FOXN3: variants seen among roughly 807,000 people sequenced by gnomAD.
The protein encoded by FOXN3 is forkhead box N3, also known as forkhead box protein N3.
In FOXN3, 7 loss-of-function variants were observed where a neutral mutation model predicts 38.4. The observed-to-expected ratio is 0.18, with a 90% CI of 0.10 to 0.34. The LOEUF (loss-of-function observed/expected upper bound fraction) is 0.34. FOXN3 is among the 10% of genes least tolerant of loss of function. The probability of loss-of-function intolerance (pLI) is 1.00; values close to 1 mark genes in which losing one functional copy is unlikely to be tolerated. For missense variants in FOXN3, 456 were observed against 613.4 expected, an observed-to-expected ratio of 0.74 and a Z score of 2.71; for synonymous variants, 230 against 242.2, an observed-to-expected ratio of 0.95 and a Z score of 0.47.
chr14:89,260,427 C>G (rs545926837), intron 4 of FOXN3, among the ~76,000 whole-genome samples: 1 of 152,338 alleles, frequency 6.6e-6, no homozygotes, highest in African/African-American at 2.4e-5. Context: ...GTGCTCCCGG[C>G]AATCAGCAAG....
intron 2 of FOXN3, among the ~76,000 whole-genome samples, chr14:89,378,832 G>A (rs191987515): frequency 4.0e-5 from 6 of 150,978 alleles, no homozygotes; most frequent in Non-Finnish European, 7.4e-5. Flanking sequence ...TTAGCCTCCC[G>A]AGTACCTGGG....
intron 3 of FOXN3, among the ~76,000 whole-genome samples, chr14:89,298,650 A>C (rs1368556047): frequency 6.6e-6 from 1 of 152,196 alleles, no homozygotes; most frequent in Non-Finnish European, 1.5e-5. Flanking sequence ...GGATCTAGAA[A>C]TAAGGGCTGG....
At position 89,574,106 on chromosome 14, in the gene FOXN3, G is replaced by A. The variant is rs1041721041; in HGVS notation, c.-15+44922C>T. Among the ~76,000 whole-genome samples the A allele has an allele frequency of 6.6e-5, 10 of 152,242 alleles. No homozygotes were observed. In the East Asian group the frequency reaches 1.9e-3, roughly 29 times the overall value. Reference sequence around the variant, plus strand: ...AGTCACTTTTTTAAGGAGATAGGAGGCAAAGGGAATTATCTCCATGGCCAC... The same window carrying A: ...AGTCACTTTTTTAAGGAGATAGGAGACAAAGGGAATTATCTCCATGGCCAC... On this transcript the variant is annotated intron_variant, in intron 1 of 6. Coordinates refer to the FOXN3 transcript ENST00000345097.
chr14:89,423,065 G>A (rs2401822), intron 1 of FOXN3, among the ~76,000 whole-genome samples: 99,864 of 151,658 alleles, frequency 0.66, 33,470 homozygotes, highest in Non-Finnish European at 0.7. Context: ...TATACCCAGT[G>A]AAGAGTGGAG....
intron 2 of FOXN3, among the ~76,000 whole-genome samples, chr14:89,352,235 T>G (rs1888998041): frequency 6.6e-6 from 1 of 152,200 alleles, no homozygotes; most frequent in African/African-American, 2.4e-5. Flanking sequence ...ACCTGAAAGA[T>G]TTCAACTTTG....
chr14:89,287,440 C>A (rs959744797), intron 3 of FOXN3, among the ~76,000 whole-genome samples: 1 of 152,110 alleles, frequency 6.6e-6, no homozygotes, highest in Non-Finnish European at 1.5e-5. Context: ...GTGTGAGCCA[C>A]GCCCAGCCCC....
intron 3 of FOXN3, among the ~76,000 whole-genome samples, chr14:89,337,636 C>CTTTTTTTTT (rs5810454): frequency 6.9e-6 from 1 of 144,856 alleles, no homozygotes; most frequent in Non-Finnish European, 1.5e-5. Flanking sequence ...CTTTTCTTTT[C>CTTTTTTTTT]TTTTTTTTTT....
intron 1 of FOXN3, among the ~76,000 whole-genome samples, chr14:89,447,679 C>A (rs1219113244): frequency 2.0e-5 from 3 of 152,090 alleles, no homozygotes; most frequent in Non-Finnish European, 4.4e-5. Context: ...CACAAAAAAA[C>A]CCAGTCTTTC....
chr14:89,427,719 TAAATC>T (rs1892070362), intron 1 of FOXN3, among the ~76,000 whole-genome samples: 1 of 151,856 alleles, frequency 6.6e-6, no homozygotes, highest in African/African-American at 2.4e-5. Context: ...AATAAAAAAA[TAAATC>T]AACTAGATAC....
chr14:89,422,005 A>G (rs748127595), upstream of FOXN3, among the ~76,000 whole-genome samples: 7 of 152,098 alleles, frequency 4.6e-5, no homozygotes, highest in Admixed American at 1.3e-4. Context: ...TCAGCCTCCA[A>G]GTAGCCAGGA....
At chr14:89,204,114 CA>C (rs1341016156) in intron 4 of FOXN3, among the ~76,000 whole-genome samples, 1 of 151,286 alleles carries the variant, frequency 6.6e-6, no homozygotes, top group Non-Finnish European at 1.5e-5. Context: ...ACTACTACTA[CA>C]ACCACCCACA....
chr14:89,193,413 C>A (rs1052134881), intron 4 of FOXN3, among the ~76,000 whole-genome samples: 7 of 151,934 alleles, frequency 4.6e-5, no homozygotes, highest in Non-Finnish European at 8.8e-5. Flanking sequence ...AGAAAGAAAA[C>A]CTTAAAGGAA....
chr14:89,413,087 T>G (rs999152477), intron 1 of FOXN3, among the ~76,000 whole-genome samples: 6 of 152,012 alleles, frequency 3.9e-5, no homozygotes, highest in African/African-American at 1.4e-4. Context: ...ATCAATGACC[T>G]AGAACACGGA....
intron 1 of FOXN3, among the ~76,000 whole-genome samples, chr14:89,558,410 C>A (rs1023199394): frequency 9.9e-5 from 15 of 152,188 alleles, no homozygotes; most frequent in African/African-American, 3.4e-4. Context: ...CTGGGGCAAG[C>A]AGGACCCCAC....
chr14:89,267,062 G>A (rs1432915453), intron 4 of FOXN3, among the ~76,000 whole-genome samples: 1 of 152,118 alleles, frequency 6.6e-6, no homozygotes, highest in East Asian at 1.9e-4. Context: ...CTTTTAGGTA[G>A]TTTACCTTCT....
intron 4 of FOXN3, among the ~76,000 whole-genome samples, chr14:89,277,098 T>C (rs757922414): frequency 4.9e-4 from 75 of 152,154 alleles, no homozygotes; most frequent in Non-Finnish European, 1.0e-3. Flanking sequence ...GTGAATGGAA[T>C]ATGGGGGAGG....
At chr14:89,242,768 G>C (rs933005062) in intron 4 of FOXN3, among the ~76,000 whole-genome samples, 4 of 152,092 alleles carry the variant, frequency 2.6e-5, no homozygotes, top group African/African-American at 9.7e-5. Flanking sequence ...TCTAAATACT[G>C]CATGTATTAT....
intron 3 of FOXN3, among the ~76,000 whole-genome samples, chr14:89,344,165 T>C (rs1888700073): frequency 6.6e-6 from 1 of 152,162 alleles, no homozygotes; most frequent in South Asian, 2.1e-4. Flanking sequence ...TTTTTCTAAC[T>C]TTGTACATGT....
intron 3 of FOXN3, among the ~76,000 whole-genome samples, chr14:89,305,501 T>A (rs968828393): frequency 6.6e-6 from 1 of 152,250 alleles, no homozygotes; most frequent in African/African-American, 2.4e-5. Flanking sequence ...ACGTAAGTTA[T>A]ATGTTTGAAC....
Sources: gnomAD v4.1 joint callset for allele counts (sites outside exome capture counted in the v4.1 genomes callset) on GRCh38, gnomAD v4.1.1 for gene constraint, MANE v1.5 for transcripts, NCBI Gene and HGNC (gene_info 2026-07-23, HGNC 2026-07-21) for gene names.